MPIG6B: variants seen among roughly 807,000 people sequenced by gnomAD.
MPIG6B encodes megakaryocyte and platelet inhibitory receptor G6b.
In MPIG6B, 22 loss-of-function variants were observed where a neutral mutation model predicts 24.2. That is an observed-to-expected ratio of 0.91 (90% CI 0.65 to 1.30). The LOEUF (loss-of-function observed/expected upper bound fraction) is 1.30. Among genes scored for constraint, MPIG6B ranks in the 50% most tolerant of loss-of-function variants. The probability of loss-of-function intolerance (pLI) is 0.00; values close to 1 mark genes in which losing one functional copy is unlikely to be tolerated. For missense variants in MPIG6B, 301 were observed against 318.5 expected, an observed-to-expected ratio of 0.94 and a Z score of 0.42; for synonymous variants, 136 against 142.0, an observed-to-expected ratio of 0.96 and a Z score of 0.30.
At position 31,723,736 on chromosome 6, in the gene MPIG6B, C is replaced by T. The variant is rs1339755830; in HGVS notation, c.159C>T (p.Cys53=). 1 of 1,613,400 alleles carries T rather than the reference C, an allele frequency of 6.2e-7. No individual in the cohort carries two copies. The highest frequency in any genetic ancestry group is 1.3e-5 in the African/African-American group (1 of 74,952). ...RWVWAPSFPA[C]KGLSKGRRPI... ...TCTGGGCACCCAGCTTCCCGGCCTG[C>T]AAGGGCCTGTCCAAAGGACGCCGAC... is the stretch of plus-strand genomic sequence containing the variant. Residue 53 remains cysteine (C), a synonymous_variant, in exon 2 of 6, where the codon TGC becomes TGT. Coordinates refer to ENST00000649779, the MANE Select transcript of MPIG6B (RefSeq NM_138272.3). The surrounding 1 kb of genome is among the most constrained non-coding windows in gnomAD (Gnocchi z 4.3).
rs193250566 is a variant in MPIG6B at position 31,724,715 on chromosome 6, A to G, written c.542-50A>G. 2.0e-4 allele frequency: 315 copies of G among 1,611,320 alleles called. 2 individuals carry two copies. The East Asian group carries it at 6.8e-3, about 35-fold the overall frequency. ...GAGTCTGAGCCCTTGCTGGGAGCAG[A>G]CACGTTGGTCACCTTCTCTCCATCC... On this transcript the variant is annotated intron_variant, in intron 4 of 5. Transcript: ENST00000649779.
chr6:31,723,907 C>A lies in MPIG6B; in HGVS notation c.330C>A (p.Gly110=). The change falls in exon 2 of 6, where the codon GGC becomes GGA. Residue 110 remains glycine (G), a synonymous_variant. Coordinates refer to ENST00000649779, the MANE Select transcript of MPIG6B (RefSeq NM_138272.3). The surrounding 1 kb of genome is among the most constrained non-coding windows in gnomAD (Gnocchi z 4.3). ...ACTCGGGCACTTTTTTCTGCAAGGG[C>A]CGCCACGAGGACGAGAGCCGTACAG... ...AGDSGTFFCK[G]RHEDESRTVL... is the part of the protein sequence containing the mutation. The A allele has an allele frequency of 6.2e-7, 1 of 1,601,226 alleles. No homozygotes were observed. The highest frequency in any genetic ancestry group is 1.1e-5 in the South Asian group (1 of 89,050).
rs935319089 is a variant in MPIG6B at position 31,725,613 on chromosome 6, C to T, written c.*539C>T. ...AAGTGCTAGGATTACAGGTGTGAGC[C>T]ACCGCGCCCGGCCTGATTCTTTAAG... On this transcript the variant is annotated 3_prime_UTR_variant, in exon 6 of 6. Transcript: ENST00000649779. The surrounding 1 kb of genome is among the most constrained non-coding windows in gnomAD (Gnocchi z 5.2). 2.6e-5 allele frequency: 4 copies of T among 153,720 alleles called. No homozygotes were observed. Among genetic ancestry groups the T allele is most frequent in the African/African-American group, 9.6e-5 (4 of 41,570 alleles). 9.5% of individuals were successfully genotyped at this position (153,720 alleles called of 1,614,324 possible).
upstream of MPIG6B, chr6:31,723,002 AGGGT>A (rs1414566145): frequency 3.1e-6 from 1 of 321,770 alleles, no homozygotes; most frequent in Admixed American, 4.7e-5. This position sits in a 1 kb window ranked among gnomAD's most constrained non-coding sequence, Gnocchi z 4.3. Context: ...TTTTTGAGAC[AGGGT>A]CTGGCTGGCT....
chr6:31,723,040 T>C (rs1806922419), upstream of MPIG6B: 5 of 407,338 alleles, frequency 1.2e-5, no homozygotes, highest in Non-Finnish European at 1.8e-5. The surrounding 1 kb of genome is among the most constrained non-coding windows in gnomAD (Gnocchi z 4.3). Flanking sequence ...TGGAGTGCAA[T>C]GGCCTGATCA....
rs1441195633 is a variant in MPIG6B, at chr6:31,723,952, C to T, written c.375C>T (p.Asp125=). Residue 125 remains aspartate, a synonymous_variant, in exon 2 of 6, where the codon GAC becomes GAT. Transcript: ENST00000649779. The surrounding 1 kb of genome is among the most constrained non-coding windows in gnomAD (Gnocchi z 4.3). ...ESRTVLHVLG[D]RTYCKAPGPT... ...GTACAGTGCTTCACGTGCTGGGGGA[C>T]AGGACCTATTGCAAGGCCCCCGGGC... 1 of 1,560,754 alleles carries T rather than the reference C, an allele frequency of 6.4e-7. No homozygotes were observed. Among genetic ancestry groups the T allele is most frequent in the Non-Finnish European group, 8.7e-7 (1 of 1,151,670 alleles).
chr6:31,723,444 G>A lies in MPIG6B; in HGVS notation c.61G>A (p.Ala21Thr), dbSNP rs1325912707. 3.7e-6 allele frequency: 6 copies of A among 1,612,052 alleles called. No individual in the cohort carries two copies. The highest frequency in any genetic ancestry group is 5.1e-6 in the Non-Finnish European group (6 of 1,179,112). ...CTCGAGGGCCCAAGGGAACCCTGGG[G>A]GTAAGCGATCCCTGGGAGAGTTGTG... is the stretch of plus-strand genomic sequence containing the variant. ...LLSRAQGNPG[A>T]SLDGRPGDRV... is the part of the protein sequence containing the mutation. Residue 21 changes from alanine to threonine, a missense_variant and splice_region_variant, in exon 1 of 6, where the codon GCT (alanine) becomes ACT (threonine). Transcript: ENST00000649779. This position sits in a 1 kb window ranked among gnomAD's most constrained non-coding sequence, Gnocchi z 4.3.
Position 31,723,926 on chromosome 6 carries a change from C to T in MPIG6B, c.349C>T (p.Arg117Cys), listed in dbSNP as rs1054384537. 4 of 1,583,506 alleles carry T rather than the reference C, an allele frequency of 2.5e-6. No individual in the cohort carries two copies. The highest frequency in any genetic ancestry group is 1.3e-5 in the African/African-American group (1 of 74,220). The change falls in exon 2 of 6, where the codon CGT becomes TGT. Residue 117 changes from arginine (R) to cysteine (C), a missense_variant. By Grantham distance (180) the Arg-to-Cys change is radical (BLOSUM62 -3). Coordinates refer to ENST00000649779, the MANE Select transcript of MPIG6B (RefSeq NM_138272.3). The surrounding 1 kb of genome is among the most constrained non-coding windows in gnomAD (Gnocchi z 4.3). ...CAAGGGCCGCCACGAGGACGAGAGC[C>T]GTACAGTGCTTCACGTGCTGGGGGA... Reference protein sequence around the residue: ...FCKGRHEDESRTVLHVLGDRT... With the variant: ...FCKGRHEDESCTVLHVLGDRT...
At chr6:31,721,584 TC>T (rs1806789528), upstream of MPIG6B, 1 of 1,589,612 alleles carries the variant, frequency 6.3e-7, no homozygotes, top group Admixed American at 1.7e-5. Flanking sequence ...GGTGTAAAGG[TC>T]CTGACCAGGC....
At position 31,723,754 on chromosome 6, in the gene MPIG6B, A is replaced by C; in HGVS notation, c.177A>C (p.Gly59=). The C allele has an allele frequency of 6.2e-7, 1 of 1,613,444 alleles. No individual in the cohort carries two copies. The highest frequency in any genetic ancestry group is 8.5e-7 in the Non-Finnish European group (1 of 1,179,942). ...CGGCCTGCAAGGGCCTGTCCAAAGG[A>C]CGCCGACCGATCCTGTGGGCCTCTT... ...SFPACKGLSK[G]RRPILWASSS... The change falls in exon 2 of 6, where the codon GGA becomes GGC. Residue 59 remains glycine, a synonymous_variant. Transcript: ENST00000649779. The surrounding 1 kb of genome is among the most constrained non-coding windows in gnomAD (Gnocchi z 4.3).
upstream of MPIG6B, chr6:31,720,982 A>C (rs1806742081): frequency 6.6e-6 from 1 of 152,332 alleles, no homozygotes; most frequent in Non-Finnish European, 1.5e-5. The surrounding 1 kb of genome is among the most constrained non-coding windows in gnomAD (Gnocchi z 4.9). Flanking sequence ...CCCTGGAGGT[A>C]AGTGGCCCAG....
upstream of MPIG6B, among the ~76,000 whole-genome samples, chr6:31,720,361 T>C (rs531596078): frequency 6.2e-4 from 95 of 152,312 alleles, no homozygotes; most frequent in Middle Eastern, 3.4e-3. The surrounding 1 kb of genome is among the most constrained non-coding windows in gnomAD (Gnocchi z 4.9). Context: ...AGGTGAGTGA[T>C]GCAGGGAAAA....
chr6:31,724,781 C>G lies in MPIG6B; in HGVS notation c.558C>G (p.Thr186=). The G allele has an allele frequency of 6.2e-7, 1 of 1,614,042 alleles. No homozygotes were observed. The highest frequency in any genetic ancestry group is 8.5e-7 in the Non-Finnish European group (1 of 1,180,022). ...PLPRFAPLVK[T]EPQRPVKEEE... is the part of the protein sequence containing the mutation. ...CCCACATAGCTCCACTTGTGAAAACCGAGCCCCAGAGGCCAGTAAAGGAGG... is the reference window on the plus strand; with the variant it reads ...CCCACATAGCTCCACTTGTGAAAACGGAGCCCCAGAGGCCAGTAAAGGAGG... The change falls in exon 5 of 6, where the codon ACC becomes ACG. Residue 186 remains threonine (T), a synonymous_variant. Transcript: ENST00000649779.
chr6:31,723,194 A>G (rs1219642123), upstream of MPIG6B: 2 of 630,946 alleles, frequency 3.2e-6, no homozygotes, highest in Non-Finnish European at 5.7e-6. This position sits in a 1 kb window ranked among gnomAD's most constrained non-coding sequence, Gnocchi z 4.3. Flanking sequence ...TTAAGTGAGA[A>G]CCATTTGAAG....
rs747005224 is a variant in MPIG6B at position 31,724,571 on chromosome 6, CAT to C, written c.501-13_501-12del. 14 of 1,610,278 alleles carry C rather than the reference CAT, an allele frequency of 8.7e-6. No homozygotes were observed. Among genetic ancestry groups the C allele is most frequent in the Non-Finnish European group, 1.2e-5 (14 of 1,176,550 alleles). On this transcript the variant is annotated splice_polypyrimidine_tract_variant and intron_variant, in intron 3 of 5. Coordinates refer to ENST00000649779, the MANE Select transcript of MPIG6B (RefSeq NM_138272.3). ...ACAAGACTGGTGGTTCTCAAAGACT[CAT>C]ATGTCCCTTACAGGCGCCTGCCCCC... is the stretch of plus-strand genomic sequence containing the variant.
upstream of MPIG6B, chr6:31,721,536 C>A (rs1806783623): frequency 1.6e-6 from 2 of 1,218,898 alleles, no homozygotes; most frequent in South Asian, 1.3e-5. Flanking sequence ...GTGTTGGGAT[C>A]CCGAGTGGTG....
chr6:31,724,762 T>C lies in MPIG6B; in HGVS notation c.542-3T>C. ...ATCCTTCAGCTCTGTCCCCCCCACATAGCTCCACTTGTGAAAACCGAGCCC... is the reference window on the plus strand; with the variant it reads ...ATCCTTCAGCTCTGTCCCCCCCACACAGCTCCACTTGTGAAAACCGAGCCC... On this transcript the variant is annotated splice_polypyrimidine_tract_variant and splice_region_variant and intron_variant, in intron 4 of 5. Transcript: ENST00000649779. 1 of 1,613,766 alleles carries C rather than the reference T, an allele frequency of 6.2e-7. No homozygotes were observed. The highest frequency in any genetic ancestry group is 8.5e-7 in the Non-Finnish European group (1 of 1,179,900).
chr6:31,725,153 C>A lies in MPIG6B; in HGVS notation c.*79C>A. ...TCCCTCTCCCCTCCTTGGTTCCTCA[C>A]CTGGAAGAGGAAGGCACCATGGTAT... On this transcript the variant is annotated 3_prime_UTR_variant, in exon 6 of 6. Transcript: ENST00000649779. This position sits in a 1 kb window ranked among gnomAD's most constrained non-coding sequence, Gnocchi z 5.2. 1 of 1,059,052 alleles carries A rather than the reference C, an allele frequency of 9.4e-7. No individual in the cohort carries two copies. The highest frequency in any genetic ancestry group is 1.4e-6 in the Non-Finnish European group (1 of 695,224). The allele number at this position is 1,059,052 out of a possible 1,614,324, so 65.6% of individuals were successfully genotyped here.
At chr6:31,721,681 G>A (rs1391114708), upstream of MPIG6B, 5 of 1,613,866 alleles carry the variant, frequency 3.1e-6, no homozygotes, top group Non-Finnish European at 2.5e-6. Context: ...GGCTTTCATG[G>A]CGAGGGTCCT....
Sources: allele counts gnomAD v4.1 joint callset (sites outside exome capture counted in the v4.1 genomes callset), GRCh38; gene constraint gnomAD v4.1.1; non-coding constraint Gnocchi (gnomAD v3.1); transcripts MANE v1.5; gene names NCBI Gene and HGNC (gene_info 2026-07-23, HGNC 2026-07-21).